Variants in NDE1 observed in about 807,000 individuals in gnomAD.
The protein encoded by NDE1 is nudE neurodevelopment protein 1.
In NDE1, 28 loss-of-function variants were observed where a neutral mutation model predicts 43.4. That is an observed-to-expected ratio of 0.65 (90% CI 0.48 to 0.89). NDE1 has a LOEUF of 0.89. NDE1 is among the 40% of genes least tolerant of loss of function. The pLI is 0.00. For synonymous variants in NDE1, 184 were observed against 172.0 expected (o/e 1.07, Z -0.55); for missense variants, 441 against 434.1 (o/e 1.02, Z -0.14).
At chr16:15,712,458 G>A (rs1230426105) in intron 8 of NDE1, among the ~76,000 whole-genome samples, 1 of 152,054 alleles carries the variant, frequency 6.6e-6, no homozygotes, top group Non-Finnish European at 1.5e-5. Flanking sequence ...GACCAGCCTG[G>A]GCAACATGGT....
At chr16:15,717,413 T>C in intron 8 of NDE1, 1 of 1,534,492 alleles carries the variant, frequency 6.5e-7, no homozygotes, top group African/African-American at 1.4e-5. Flanking sequence ...ACTGAGACCA[T>C]GCCTCTTCCT....
In NDE1 at chr16:15,720,902, G is replaced by T. The variant is rs765435868; in HGVS notation, c.948-3289G>T. Reference sequence around the variant, plus strand: ...CGTCCCGGGCTTGGAGATCCCTTTCGAACTGGCCCTTGAGCGCCTGCATGT... The same window carrying T: ...CGTCCCGGGCTTGGAGATCCCTTTCTAACTGGCCCTTGAGCGCCTGCATGT... On this transcript the variant is annotated intron_variant, in intron 8 of 8. Coordinates refer to ENST00000396354, the MANE Select transcript of NDE1 (RefSeq NM_017668.3). 2 of 1,613,822 alleles carry T rather than the reference G, an allele frequency of 1.2e-6. No homozygotes were observed. Among genetic ancestry groups the T allele is most frequent in the East Asian group, 4.5e-5 (2 of 44,844 alleles).
chr16:15,675,623 G>A (rs1880202291), intron 3 of NDE1, among the ~76,000 whole-genome samples: 1 of 151,724 alleles, frequency 6.6e-6, no homozygotes, highest in African/African-American at 2.4e-5. Context: ...TTTTGTAGAG[G>A]CAGAGTCTTG....
chr16:15,716,728 G>A (rs924591205), intron 8 of NDE1, among the ~76,000 whole-genome samples: 1 of 152,112 alleles, frequency 6.6e-6, no homozygotes, highest in African/African-American at 2.4e-5. Context: ...TGGCCAGGCC[G>A]GTCTCAAACT....
chr16:15,648,036 A>AC (rs964177217), upstream of NDE1, among the ~76,000 whole-genome samples: 1 of 138,952 alleles, frequency 7.2e-6, no homozygotes, highest in African/African-American at 2.8e-5. Flanking sequence ...CTGTCTCACA[A>AC]AAAAAAAAAA....
At chr16:15,681,133 A>G (rs1438196445) in intron 4 of NDE1, among the ~76,000 whole-genome samples, 2 of 137,924 alleles carry the variant, frequency 1.5e-5, no homozygotes, top group Non-Finnish European at 3.1e-5. Flanking sequence ...ATTTTTTTGT[A>G]TCCTTATTCC....
At chr16:15,717,878 G>A (rs543345620) in intron 8 of NDE1, 25 of 271,098 alleles carry the variant, frequency 9.2e-5, no homozygotes, top group Non-Finnish European at 1.4e-4. Flanking sequence ...TCCTGGAGTC[G>A]CCTGGAGAAT....
chr16:15,675,617 G>C (rs2037830046), intron 3 of NDE1, among the ~76,000 whole-genome samples: 1 of 151,728 alleles, frequency 6.6e-6, no homozygotes. Context: ...CACATTTTTT[G>C]TAGAGGCAGA....
intron 8 of NDE1, among the ~76,000 whole-genome samples, chr16:15,700,835 A>T (rs938950610): frequency 1.1e-4 from 16 of 152,022 alleles, no homozygotes; most frequent in African/African-American, 3.6e-4. Context: ...CTTCCCCCCA[A>T]CTCCCAACCA....
chr16:15,693,544 A>G (rs138864295), intron 6 of NDE1, among the ~76,000 whole-genome samples: 1 of 152,292 alleles, frequency 6.6e-6, no homozygotes, highest in East Asian at 1.9e-4. Context: ...TCATGCCTGT[A>G]AATACCAGCC....
At chr16:15,683,188 T>C (rs1201671117) in intron 4 of NDE1, 1 of 152,144 alleles carries the variant, frequency 6.6e-6, no homozygotes, top group Non-Finnish European at 1.5e-5. Flanking sequence ...TCAAAAAGGA[T>C]ATGTTCTTAG....
chr16:15,685,570 T>C (rs2038397430), intron 4 of NDE1, among the ~76,000 whole-genome samples: 1 of 152,120 alleles, frequency 6.6e-6, no homozygotes, highest in African/African-American at 2.4e-5. Context: ...TTTTAATCGG[T>C]ACTGTGGTAA....
chr16:15,677,973 G>A (rs755747000), intron 4 of NDE1, 24 bp downstream of exon 4: 11 of 1,613,490 alleles, frequency 6.8e-6, no homozygotes, highest in African/African-American at 5.3e-5. Context: ...GGAAAAGCAC[G>A]AGTGGGAGAC....
Position 15,664,813 on chromosome 16 carries a change from A to T in NDE1, c.35A>T (p.Glu12Val). The stretch of plus-strand genomic sequence containing the variant: ...TCCGGAAAGACTTTCAGCTCCGAGG[A>T]GGAAGAAGCTAACTATTGGAAAGAT... ...EDSGKTFSSE[E>V]EEANYWKDLA... The change falls in exon 2 of 9, where the codon GAG (glutamate) becomes GTG (valine). Residue 12 changes from glutamate (E) to valine (V), a missense_variant. Physicochemically the swap from Glu to Val is moderately radical, Grantham distance 121 (BLOSUM62 -2). Coordinates refer to ENST00000396354, the MANE Select transcript of NDE1 (RefSeq NM_017668.3). 1 of 1,613,414 alleles carries T rather than the reference A, an allele frequency of 6.2e-7. No individual in the cohort carries two copies. The highest frequency in any genetic ancestry group is 8.5e-7 in the Non-Finnish European group (1 of 1,179,702).
At chr16:15,650,357 GA>G in intron 1 of NDE1, 63 bp downstream of exon 1, 1 of 222,808 alleles carries the variant, frequency 4.5e-6, no homozygotes, top group Non-Finnish European at 9.4e-6. Context: ...CACCGCGGCT[GA>G]AAAGCTCCTC....
chr16:15,660,383 G>A (rs2036983154), intron 1 of NDE1, among the ~76,000 whole-genome samples: 1 of 152,062 alleles, frequency 6.6e-6, no homozygotes, highest in South Asian at 2.1e-4. Context: ...TGAGGCAGGA[G>A]GATCAGTGCC....
intron 8 of NDE1, chr16:15,699,781 C>T (rs2039164414): frequency 7.4e-7 from 1 of 1,351,596 alleles, no homozygotes; most frequent in South Asian, 1.1e-5. Flanking sequence ...GTCTTCATCG[C>T]CGCTGCCGTC....
At chr16:15,669,346 A>C (rs983409967) in intron 3 of NDE1, among the ~76,000 whole-genome samples, 321 of 141,024 alleles carry the variant, frequency 2.3e-3, no homozygotes, top group Non-Finnish European at 3.9e-3. Flanking sequence ...GGCACCCTCC[A>C]CCACGCCTGG....
chr16:15,707,288 C>T (rs1178404039), intron 8 of NDE1, among the ~76,000 whole-genome samples: 2 of 152,178 alleles, frequency 1.3e-5, no homozygotes, highest in African/African-American at 4.8e-5. Flanking sequence ...CTCGGCCTCC[C>T]AAAGTGCTGG....
Sources: allele counts gnomAD v4.1 joint callset (sites outside exome capture counted in the v4.1 genomes callset), GRCh38; gene constraint gnomAD v4.1.1; transcripts MANE v1.5; gene names NCBI Gene and HGNC (gene_info 2026-07-23, HGNC 2026-07-21).